The following BAG3 variants were observed in gnomAD, a reference collection of about 807,000 sequenced individuals.
BAG3 encodes the protein BAG family molecular chaperone regulator 3.
A neutral mutation model predicts 40.5 loss-of-function variants in BAG3; 14 were observed. The ratio of observed to expected loss-of-function variants is 0.35; its 90% confidence interval spans 0.23 to 0.54. BAG3 has a LOEUF of 0.54. Among genes scored for constraint, BAG3 ranks in the 20% least tolerant of loss-of-function variants. The probability of loss-of-function intolerance (pLI) is 0.91; values close to 1 mark genes in which losing one functional copy is unlikely to be tolerated. For synonymous variants in BAG3, 302 were observed against 307.8 expected, an observed-to-expected ratio of 0.98 and a Z score of 0.20; for missense variants, 788 against 758.6, an observed-to-expected ratio of 1.04 and a Z score of -0.46.
chr10:119,674,035 C>G (rs1173270208), intron 3 of BAG3, among the ~76,000 whole-genome samples: 4 of 152,186 alleles, frequency 2.6e-5, no homozygotes, highest in African/African-American at 9.7e-5. Context: ...CCCCCACTTC[C>G]AGGATGTCTT....
intron 1 of BAG3, among the ~76,000 whole-genome samples, chr10:119,656,982 G>A (rs903492894): frequency 2.0e-5 from 3 of 152,246 alleles, no homozygotes; most frequent in Admixed American, 2.0e-4. Flanking sequence ...TTCCTGAAGG[G>A]GTGACAGACA....
chr10:119,668,866 G>A (rs927523139), intron 1 of BAG3, among the ~76,000 whole-genome samples: 2 of 152,242 alleles, frequency 1.3e-5, no homozygotes, highest in African/African-American at 4.8e-5. Context: ...CGGCAGTGGG[G>A]TCGTGCAGTC....
chr10:119,653,446 G>GATCAAGTTTGAAC (rs1846870387), intron 1 of BAG3, among the ~76,000 whole-genome samples: 1 of 152,158 alleles, frequency 6.6e-6, no homozygotes, highest in South Asian at 2.1e-4. Flanking sequence ...TGTGAGTGAA[G>GATCAAGTTTGAAC]ATCAAGTTTG....
chr10:119,673,354 C>T lies in BAG3; in HGVS notation c.909+698C>T, dbSNP rs113994455. ...ACCACAGGGCCCATGTCTTAACCCCCCTCCTCCCTTTGTAATCAGGTACCA... is the reference window on the plus strand; with the variant it reads ...ACCACAGGGCCCATGTCTTAACCCCTCTCCTCCCTTTGTAATCAGGTACCA... On this transcript the variant is annotated intron_variant, in intron 3 of 3. Transcript: ENST00000369085. Among the ~76,000 whole-genome samples the T allele has an allele frequency of 3.1e-3, 479 of 152,360 alleles. 4 individuals carry two copies. The highest frequency in any genetic ancestry group is 0.011 in the African/African-American group (470 of 41,586).
At position 119,661,496 on chromosome 10, in the gene BAG3, C is replaced by G. The variant is rs144087535; in HGVS notation, c.181-8355C>G. On this transcript the variant is annotated intron_variant, in intron 1 of 3. Transcript: ENST00000369085. Reference sequence around the variant, plus strand: ...GGAACCCAGGGTGGCACCTTGAAGACCCGGGCTCATGCTGGTTCATTCCTG... The same window carrying G: ...GGAACCCAGGGTGGCACCTTGAAGAGCCGGGCTCATGCTGGTTCATTCCTG... Among the ~76,000 whole-genome samples the G allele has an allele frequency of 5.2e-3, 795 of 152,230 alleles. 4 individuals carry two copies. Among genetic ancestry groups the G allele is most frequent in the Admixed American group, 8.2e-3 (126 of 15,296 alleles).
rs1458753499 is a variant in BAG3 at position 119,669,797 on chromosome 10, A to T, written c.181-54A>T. 2.6e-6 allele frequency: 4 copies of T among 1,537,872 alleles called. No individual in the cohort carries two copies. In the East Asian group the frequency reaches 6.7e-5, roughly 26 times the overall value. On this transcript the variant is annotated intron_variant, in intron 1 of 3. Transcript: ENST00000369085. ...GCGCCACAGTGTTTCCTCTGCCAGG[A>T]GGGTTCACTTCCCAGTTTCTAACCA...
chr10:119,670,533 C>T (rs947889738), intron 2 of BAG3, among the ~76,000 whole-genome samples: 4 of 152,232 alleles, frequency 2.6e-5, no homozygotes, highest in Non-Finnish European at 4.4e-5. Context: ...CGCCTAATTT[C>T]CATGCTCCTT....
At chr10:119,654,763 C>T (rs1218395966) in intron 1 of BAG3, among the ~76,000 whole-genome samples, 1 of 152,236 alleles carries the variant, frequency 6.6e-6, no homozygotes, top group Non-Finnish European at 1.5e-5. Flanking sequence ...GGTGCAGCCA[C>T]TCCTCCAGGC....
chr10:119,651,919 G>A, intron 1 of BAG3, 64 bp downstream of exon 1: 2 of 1,340,090 alleles, frequency 1.5e-6, no homozygotes, highest in Admixed American at 3.0e-5. Flanking sequence ...GGCGGGGAGT[G>A]GGCTGGGCCG....
chr10:119,660,581 C>T (rs748511621), intron 1 of BAG3, among the ~76,000 whole-genome samples: 6 of 152,300 alleles, frequency 3.9e-5, no homozygotes, highest in Non-Finnish European at 7.4e-5. Context: ...CGCGGTGGCT[C>T]ACACCTGTAA....
chr10:119,667,247 T>G (rs906535110), intron 1 of BAG3, among the ~76,000 whole-genome samples: 10 of 152,134 alleles, frequency 6.6e-5, no homozygotes, highest in Admixed American at 3.3e-4. Flanking sequence ...AAAGTGCTGG[T>G]ATTACAGGCT....
chr10:119,657,846 A>G (rs196342), intron 1 of BAG3, among the ~76,000 whole-genome samples: 13,588 of 152,318 alleles, frequency 0.089, 694 homozygotes, highest in South Asian at 0.13. Flanking sequence ...AGCCCCTGGC[A>G]CTGTGAAAAG....
At chr10:119,675,814 CTGCTTCCT>C (rs1847216482) in intron 3 of BAG3, among the ~76,000 whole-genome samples, 2 of 62,630 alleles carry the variant, frequency 3.2e-5, no homozygotes, top group Non-Finnish European at 6.4e-5. Flanking sequence ...CCCCCCTTCC[CTGCTTCCT>C]TCCCCCTTCC....
chr10:119,668,378 A>G (rs931108727), intron 1 of BAG3, among the ~76,000 whole-genome samples: 1 of 152,194 alleles, frequency 6.6e-6, no homozygotes, highest in African/African-American at 2.4e-5. Context: ...AGCAGTAGAG[A>G]TTGTCCCCTG....
Position 119,674,988 on chromosome 10 carries a change from CAAAAACAA to C in BAG3, c.910-1472_910-1465del, listed in dbSNP as rs538633226. Reference sequence around the variant, plus strand: ...CGAGGCTCCGTCTCAAAAACAAAAACAAAAACAAAAAGCGTCAAGATATTTTTGCTTTG... The same window carrying C: ...CGAGGCTCCGTCTCAAAAACAAAAACAAAGCGTCAAGATATTTTTGCTTTG... On this transcript the variant is annotated intron_variant, in intron 3 of 3. Transcript: ENST00000369085. Among the ~76,000 whole-genome samples, 283 of 75,424 alleles carry C rather than the reference CAAAAACAA, an allele frequency of 3.8e-3. 1 individual carries two copies. The highest frequency in any genetic ancestry group is 0.013 in the African/African-American group (268 of 20,338). 49.5% of individuals were successfully genotyped at this position (75,424 alleles called of 152,430 possible). A position where few individuals can be genotyped will look rare whatever the true frequency, so the allele number is the denominator to read the frequency against.
chr10:119,676,038 G>T (rs1458415376), intron 3 of BAG3, among the ~76,000 whole-genome samples: 1 of 144,086 alleles, frequency 6.9e-6, no homozygotes, highest in African/African-American at 2.6e-5. Flanking sequence ...CGATTCTTCC[G>T]CCTCAGCCTT....
Position 119,669,335 on chromosome 10 carries a change from C to T in BAG3, c.181-516C>T, listed in dbSNP as rs186990302. ...CTAACAATACTCCTGAGGAGGCAGCCCTCGCTCCCCAGCCCACTTCTCTGT... is the reference window on the plus strand; with the variant it reads ...CTAACAATACTCCTGAGGAGGCAGCTCTCGCTCCCCAGCCCACTTCTCTGT... On this transcript the variant is annotated intron_variant, in intron 1 of 3. Coordinates refer to ENST00000369085, the MANE Select transcript of BAG3 (RefSeq NM_004281.4). 3.9e-3 allele frequency among the ~76,000 whole-genome samples: 587 copies of T among 152,298 alleles called. 3 individuals are homozygous for T. The highest frequency in any genetic ancestry group is 6.5e-3 in the Non-Finnish European group (439 of 68,024).
intron 1 of BAG3, among the ~76,000 whole-genome samples, chr10:119,662,037 AC>A (rs1846998780): frequency 6.6e-6 from 1 of 151,888 alleles, no homozygotes; most frequent in South Asian, 2.1e-4. Context: ...CTCCAGTTGC[AC>A]TTTGTTTTTT....
chr10:119,660,489 C>T lies in BAG3; in HGVS notation c.180+8634C>T, dbSNP rs1239848051. ...TGCTAATTAGTCCTCTTAAGACTCT[C>T]AGATAAAGGGGCTTCTAATTCTAAC... On this transcript the variant is annotated intron_variant, in intron 1 of 3. Coordinates refer to ENST00000369085, the MANE Select transcript of BAG3 (RefSeq NM_004281.4). 7.6e-4 allele frequency among the ~76,000 whole-genome samples: 116 copies of T among 152,266 alleles called. 1 individual carries two copies. The highest frequency in any genetic ancestry group is 2.4e-4 in the Non-Finnish European group (16 of 68,018).
Sources: allele counts gnomAD v4.1 joint callset (sites outside exome capture counted in the v4.1 genomes callset), GRCh38; gene constraint gnomAD v4.1.1; transcripts MANE v1.5; gene names NCBI Gene and HGNC (gene_info 2026-07-23, HGNC 2026-07-21).